The following ZNF675 variants were observed in gnomAD, a reference collection of about 807,000 sequenced individuals.
The protein encoded by ZNF675 is TRAF6 inhibitory zinc finger.
In ZNF675, 36 loss-of-function variants were observed where a neutral mutation model predicts 56.1. The observed-to-expected ratio is 0.64, with a 90% CI of 0.49 to 0.85. ZNF675 has a LOEUF of 0.85. Among genes scored for constraint, ZNF675 ranks in the 40% least tolerant of loss-of-function variants. The probability of loss-of-function intolerance (pLI) is 0.00; values close to 1 mark genes in which losing one functional copy is unlikely to be tolerated. For synonymous variants in ZNF675, 200 were observed against 218.9 expected (o/e 0.91, Z 0.76); for missense variants, 663 against 654.2 (o/e 1.01, Z -0.15).
Position 23,653,331 on chromosome 19 carries a change from T to C in ZNF675, c.1602A>G (p.Lys534=), listed in dbSNP as rs1287621632. Reference sequence around the variant, plus strand: ...TGTCACATCTCTCACATTTATAGGGTTTCTCTCCAGTATGAATTATCTTAT... The same window carrying C: ...TGTCACATCTCTCACATTTATAGGGCTTCTCTCCAGTATGAATTATCTTAT... ...TEHKIIHTGE[K]PYKCERCDKA... is the part of the protein sequence containing the mutation. Residue 534 remains lysine, a synonymous_variant, in exon 4 of 4, where the codon AAA becomes AAG. Coordinates refer to ENST00000359788, the MANE Select transcript of ZNF675 (RefSeq NM_138330.3). The C allele has an allele frequency of 1.9e-6, 3 of 1,613,798 alleles. No homozygotes were observed. Among genetic ancestry groups the C allele is most frequent in the African/African-American group, 2.7e-5 (2 of 75,052 alleles).
chr19:23,662,065 G>A (rs1224083603), intron 3 of ZNF675, 49 bp downstream of exon 3: 1 of 1,336,326 alleles, frequency 7.5e-7, no homozygotes, highest in Non-Finnish European at 1.1e-6. Flanking sequence ...TTTGACCTTT[G>A]GACCTCTCAT....
chr19:23,658,803 C>CTA (rs1418439511), intron 3 of ZNF675: 1 of 2,388 alleles, frequency 4.2e-4, no homozygotes, highest in African/African-American at 8.1e-4. Context: ...CTATAGATAT[C>CTA]TATAGAGATA....
chr19:23,664,696 A>G (rs560942353), intron 1 of ZNF675, among the ~76,000 whole-genome samples: 1 of 152,334 alleles, frequency 6.6e-6, no homozygotes, highest in East Asian at 1.9e-4. Flanking sequence ...CACACCTGTA[A>G]TCGCAGCACT....
At chr19:23,686,160 G>A (rs977104763) in intron 1 of ZNF675, 5 of 151,984 alleles carry the variant, frequency 3.3e-5, no homozygotes, top group African/African-American at 1.2e-4. Flanking sequence ...TATTTAATTT[G>A]GTTTTCTTCA....
At chr19:23,658,661 C>T (rs1010539247) in intron 3 of ZNF675, 1 of 151,738 alleles carries the variant, frequency 6.6e-6, no homozygotes, top group Non-Finnish European at 1.5e-5. Flanking sequence ...GGCTGGACGA[C>T]AGGGCGAGAC....
At chr19:23,680,614 A>G (rs879661723) in intron 1 of ZNF675, among the ~76,000 whole-genome samples, 13 of 151,156 alleles carry the variant, frequency 8.6e-5, no homozygotes, top group Admixed American at 3.3e-4. Context: ...AAAATTAGCC[A>G]GGTGTGGTGG....
Position 23,658,876 on chromosome 19 carries a change from T to TCTATAGATATAGATCTAG in ZNF675, c.226+3237_226+3238insCTAGATCTATATCTATAG, listed in dbSNP as rs1555706348. On this transcript the variant is annotated intron_variant, in intron 3 of 3. Transcript: ENST00000359788. ...ATAGATATAGAAATAGATCTATAGATATCTATAGATATAGATCTATAGATA... is the reference window on the plus strand; with the variant it reads ...ATAGATATAGAAATAGATCTATAGATCTATAGATATAGATCTAGATCTATAGATATAGATCTATAGATA... Among the ~76,000 whole-genome samples, 18 of 3,874 alleles carry TCTATAGATATAGATCTAG rather than the reference T, an allele frequency of 4.6e-3. 1 individual carries two copies. The highest frequency in any genetic ancestry group is 7.4e-3 in the Admixed American group (2 of 272). 2.5% of individuals were successfully genotyped at this position (3,874 alleles called of 152,430 possible).
intron 1 of ZNF675, among the ~76,000 whole-genome samples, chr19:23,682,953 C>A (rs779632332): frequency 6.6e-6 from 1 of 151,660 alleles, no homozygotes; most frequent in Non-Finnish European, 1.5e-5. Context: ...CTTTGGGAGG[C>A]CAAGGCCAGC....
chr19:23,661,296 C>T (rs1190157911), intron 3 of ZNF675, among the ~76,000 whole-genome samples: 1 of 151,708 alleles, frequency 6.6e-6, no homozygotes, highest in East Asian at 2.0e-4. Context: ...CAGGCGTGAG[C>T]CACCGTGCCT....
At position 23,657,885 on chromosome 19, in the gene ZNF675, A is replaced by G. The variant is rs139298134; in HGVS notation, c.227-3179T>C. On this transcript the variant is annotated intron_variant, in intron 3 of 3. Coordinates refer to ENST00000359788, the MANE Select transcript of ZNF675 (RefSeq NM_138330.3). ...TCTGATTGGGATAGATATGTGGCTG[A>G]TTTATTTCTTAATTAAATCCCACAA... Among the ~76,000 whole-genome samples the G allele has an allele frequency of 9.3e-3, 1,424 of 152,312 alleles. 12 individuals are homozygous for G. Among genetic ancestry groups the G allele is most frequent in the Middle Eastern group, 0.034 (10 of 294 alleles).
chr19:23,670,519 T>C (rs4932894), intron 1 of ZNF675, among the ~76,000 whole-genome samples: 147,757 of 152,084 alleles, frequency 0.97, 71,938 homozygotes, highest in Middle Eastern at 1. Context: ...TCAGGGTGAG[T>C]AGCGACCATC....
At chr19:23,667,710 C>T (rs6511478) in intron 1 of ZNF675, among the ~76,000 whole-genome samples, 3 of 151,108 alleles carry the variant, frequency 2.0e-5, no homozygotes, top group African/African-American at 4.9e-5. Context: ...GCTAAACACA[C>T]GGTGCTGATT....
intron 1 of ZNF675, among the ~76,000 whole-genome samples, chr19:23,675,734 A>T (rs1968286321): frequency 6.6e-6 from 1 of 151,752 alleles, no homozygotes; most frequent in African/African-American, 2.4e-5. Flanking sequence ...TTAAATGCTC[A>T]CATCAAAAGG....
At chr19:23,684,680 G>A (rs1429911111) in intron 1 of ZNF675, among the ~76,000 whole-genome samples, 1 of 151,996 alleles carries the variant, frequency 6.6e-6, no homozygotes, top group Non-Finnish European at 1.5e-5. Context: ...TAATTCATGT[G>A]TCAAGTCAGG....
chr19:23,685,996 A>C (rs980182185), intron 1 of ZNF675, among the ~76,000 whole-genome samples: 2 of 152,176 alleles, frequency 1.3e-5, no homozygotes, highest in Non-Finnish European at 2.9e-5. Context: ...AAAAACTCTA[A>C]CTCAAATGCA....
chr19:23,664,100 A>AG (rs1354678390), intron 1 of ZNF675, among the ~76,000 whole-genome samples: 6 of 152,184 alleles, frequency 3.9e-5, no homozygotes, highest in African/African-American at 1.4e-4. Flanking sequence ...TTCATTAGGG[A>AG]GAAAAAACCC....
chr19:23,669,730 G>A (rs928397976), intron 1 of ZNF675, among the ~76,000 whole-genome samples: 3 of 152,002 alleles, frequency 2.0e-5, no homozygotes, highest in Admixed American at 6.6e-5. Context: ...GCACGCACCT[G>A]TAATGCCAGC....
intron 1 of ZNF675, among the ~76,000 whole-genome samples, chr19:23,670,987 C>T (rs1203153167): frequency 6.6e-6 from 1 of 152,126 alleles, no homozygotes; most frequent in African/African-American, 2.4e-5. Flanking sequence ...CTGTAGGAAA[C>T]AACCAGGCTA....
At chr19:23,671,044 G>C (rs1313732361) in intron 1 of ZNF675, among the ~76,000 whole-genome samples, 1 of 151,998 alleles carries the variant, frequency 6.6e-6, no homozygotes, top group Non-Finnish European at 1.5e-5. Flanking sequence ...GAATAACTAA[G>C]GCAGAAAATT....
Sources: allele counts gnomAD v4.1 joint callset (sites outside exome capture counted in the v4.1 genomes callset), GRCh38; gene constraint gnomAD v4.1.1; transcripts MANE v1.5; gene names NCBI Gene and HGNC (gene_info 2026-07-23, HGNC 2026-07-21).